Variants in ABLIM1 observed in about 807,000 individuals in gnomAD.
ABLIM1 encodes the protein actin binding LIM protein 1, also known as actin-binding LIM protein 1.
A neutral mutation model predicts 107.0 loss-of-function variants in ABLIM1; 40 were observed. The observed-to-expected ratio is 0.37, with a 90% CI of 0.29 to 0.49. ABLIM1 has a LOEUF of 0.49. ABLIM1 is among the 20% of genes least tolerant of loss of function. ABLIM1 has a pLI of 0.97. For synonymous variants in ABLIM1, 357 were observed against 357.3 expected (o/e 1.00, Z 0.01); for missense variants, 857 against 1,008.5 (o/e 0.85, Z 2.04).
chr10:114,713,396 T>G lies in ABLIM1; in HGVS notation c.-213+54665A>C, dbSNP rs191551895. ...AGTGGAGCTGGGGTGGCAAATAGCA[T>G]AGTTTTTAAGTTCACAGTAGTAAGA... is the stretch of plus-strand genomic sequence containing the variant. On this transcript the variant is annotated intron_variant, in intron 1 of 15. Transcript: ENST00000651092. 5.3e-5 allele frequency among the ~76,000 whole-genome samples: 8 copies of G among 152,286 alleles called. No homozygotes were observed. The East Asian group carries it at 1.5e-3, about 29-fold the overall frequency.
chr10:114,755,069 G>A (rs1351196113), intron 1 of ABLIM1, among the ~76,000 whole-genome samples: 3 of 152,132 alleles, frequency 2.0e-5, no homozygotes, highest in Non-Finnish European at 2.9e-5. Flanking sequence ...CTGGGCCACC[G>A]ACTGGTGCCA....
At chr10:114,723,118 C>T (rs1419202442) in intron 1 of ABLIM1, among the ~76,000 whole-genome samples, 1 of 152,228 alleles carries the variant, frequency 6.6e-6, no homozygotes, top group African/African-American at 2.4e-5. Context: ...TAAATGAATG[C>T]ATACCAGAAT....
chr10:114,735,587 A>C (rs978042590), intron 1 of ABLIM1, among the ~76,000 whole-genome samples: 7 of 152,188 alleles, frequency 4.6e-5, no homozygotes, highest in Non-Finnish European at 8.8e-5. Context: ...CTCCTGCCTC[A>C]GTCTCCTGAG....
At chr10:114,457,788 G>A (rs980731707) in intron 12 of ABLIM1, among the ~76,000 whole-genome samples, 11 of 152,140 alleles carry the variant, frequency 7.2e-5, no homozygotes, top group African/African-American at 1.9e-4. Context: ...ATAATAGGCC[G>A]GGCATGGGCA....
At chr10:114,539,990 G>A (rs575732386) in intron 6 of ABLIM1, among the ~76,000 whole-genome samples, 1 of 152,288 alleles carries the variant, frequency 6.6e-6, no homozygotes, top group African/African-American at 2.4e-5. Context: ...TCTTAATTAG[G>A]AGGCAGGTTG....
chr10:114,770,735 C>T (rs1450547742), upstream of ABLIM1, among the ~76,000 whole-genome samples: 2 of 152,108 alleles, frequency 1.3e-5, no homozygotes, highest in Non-Finnish European at 2.9e-5. Context: ...CCAGTCTTGT[C>T]GAATTGAATT....
At chr10:114,438,101 G>A (rs1005784896) in intron 21 of ABLIM1, among the ~76,000 whole-genome samples, 177 bp from the exon 22 acceptor site, 1 of 152,148 alleles carries the variant, frequency 6.6e-6, no homozygotes. Context: ...CAGGGGACAG[G>A]GACAGAATCT....
At chr10:114,516,993 G>GT (rs951754720) in intron 6 of ABLIM1, among the ~76,000 whole-genome samples, 79 of 151,144 alleles carry the variant, frequency 5.2e-4, no homozygotes, top group Middle Eastern at 3.4e-3. Context: ...TTGGGACTCC[G>GT]TTTTTTTTTG....
intron 4 of ABLIM1, among the ~76,000 whole-genome samples, chr10:114,559,107 T>C (rs895595540): frequency 2.6e-5 from 4 of 152,158 alleles, no homozygotes; most frequent in Admixed American, 6.5e-5. Flanking sequence ...CCTCCTCCAT[T>C]GGTCTCATGT....
At chr10:114,797,146 G>C in the ABLIM1 span, among the ~76,000 whole-genome samples, 3 of 152,114 alleles carry the variant, frequency 2.0e-5, no homozygotes, top group African/African-American at 7.2e-5. Context: ...GTCCCCAGAC[G>C]TTGTTGGAAC....
intron 4 of ABLIM1, among the ~76,000 whole-genome samples, chr10:114,566,756 C>T (rs889790232): frequency 6.6e-6 from 1 of 152,064 alleles, no homozygotes; most frequent in Non-Finnish European, 1.5e-5. Context: ...GAATAACTTC[C>T]TAATGATTTT....
chr10:114,457,243 A>C (rs115322386), intron 12 of ABLIM1, among the ~76,000 whole-genome samples: 1,869 of 152,266 alleles, frequency 0.012, 40 homozygotes, highest in African/African-American at 0.043. Context: ...CCCTTTTCTA[A>C]ATTAAACACC....
chr10:114,601,946 T>C lies in ABLIM1; in HGVS notation c.260A>G (p.Asp87Gly). 1.2e-6 allele frequency: 2 copies of C among 1,614,012 alleles called. No individual in the cohort carries two copies. Among genetic ancestry groups the C allele is most frequent in the Non-Finnish European group, 1.7e-6 (2 of 1,179,980 alleles). Residue 87 changes from aspartate to glycine, a missense_variant, in exon 2 of 23, where the codon GAC becomes GGC. Asp to Gly is a moderately conservative substitution (Grantham distance 94). Coordinates refer to ENST00000533213, the MANE Select transcript of ABLIM1 (RefSeq NM_002313.7). ...SVDPFVAHPQ[D>G]PHHPSEKPVI... Reference sequence around the variant, plus strand: ...AGGCTTCTCTGATGGGTGGTGAGGGTCCTGAGGGTGGGCCACTGAAAGAAA... The same window carrying C: ...AGGCTTCTCTGATGGGTGGTGAGGGCCCTGAGGGTGGGCCACTGAAAGAAA...
chr10:114,599,235 T>C (rs550878301), intron 2 of ABLIM1, among the ~76,000 whole-genome samples: 2 of 152,230 alleles, frequency 1.3e-5, no homozygotes, highest in African/African-American at 4.8e-5. Context: ...TAAAATAGAA[T>C]TTAATTTAAA....
chr10:114,586,924 T>C (rs960118986), intron 2 of ABLIM1, among the ~76,000 whole-genome samples: 2 of 152,194 alleles, frequency 1.3e-5, no homozygotes, highest in Admixed American at 6.5e-5. Flanking sequence ...AATACAATTT[T>C]TCCTAAAAAA....
chr10:114,468,418 G>A (rs559193715), intron 10 of ABLIM1, among the ~76,000 whole-genome samples: 6 of 10,630 alleles, frequency 5.6e-4, no homozygotes, highest in African/African-American at 4.3e-3. Flanking sequence ...GGGACTACAG[G>A]CGCCGCCACC....
chr10:114,724,317 G>A (rs1278512456), intron 1 of ABLIM1, among the ~76,000 whole-genome samples: 1 of 152,108 alleles, frequency 6.6e-6, no homozygotes, highest in Non-Finnish European at 1.5e-5. Context: ...CCACTGCGAG[G>A]ATCAAGAGAG....
intron 1 of ABLIM1, among the ~76,000 whole-genome samples, chr10:114,624,694 A>C (rs931121205): frequency 1.3e-5 from 2 of 152,168 alleles, no homozygotes; most frequent in African/African-American, 4.8e-5. Context: ...ATATCGTAGA[A>C]ATGACATCTT....
At chr10:114,540,503 G>C (rs539844381) in intron 6 of ABLIM1, among the ~76,000 whole-genome samples, 39 of 152,128 alleles carry the variant, frequency 2.6e-4, no homozygotes, top group Non-Finnish European at 5.3e-4. Context: ...GGGCTTACAA[G>C]GATTAAGGAA....
Sources: allele counts gnomAD v4.1 joint callset (sites outside exome capture counted in the v4.1 genomes callset), GRCh38; gene constraint gnomAD v4.1.1; transcripts MANE v1.5; gene names NCBI Gene and HGNC (gene_info 2026-07-23, HGNC 2026-07-21).